Variants in VSTM5 observed in about 807,000 individuals in gnomAD.
VSTM5 encodes the protein V-set and transmembrane domain containing 5, also known as V-set and transmembrane domain-containing protein 5.
A neutral mutation model predicts 20.3 loss-of-function variants in VSTM5; 21 were observed. That is an observed-to-expected ratio of 1.03 (90% confidence interval 0.73 to 1.49). The LOEUF (loss-of-function observed/expected upper bound fraction) is 1.49. VSTM5 is among the 40% of genes most tolerant of loss of function. VSTM5 has a pLI of 0.00. For missense variants in VSTM5, 219 were observed against 250.0 expected, an observed-to-expected ratio of 0.88 and a Z score of 0.84; for synonymous variants, 100 against 102.5, an observed-to-expected ratio of 0.98 and a Z score of 0.14.
intron 1 of VSTM5, among the ~76,000 whole-genome samples, chr11:93,824,212 C>G (rs115625654): frequency 9.2e-4 from 140 of 152,154 alleles, no homozygotes; most frequent in African/African-American, 3.3e-3. Context: ...CCGGCTATTA[C>G]TTCTATTTTT....
chr11:93,833,801 T>C (rs1014687577), intron 1 of VSTM5, among the ~76,000 whole-genome samples: 2 of 152,120 alleles, frequency 1.3e-5, no homozygotes, highest in Non-Finnish European at 2.9e-5. Flanking sequence ...AGCATCATCC[T>C]GTGTCCCTCC....
chr11:93,844,841 G>T lies in VSTM5; in HGVS notation c.91+5571C>A, dbSNP rs374842642. On this transcript the variant is annotated intron_variant, in intron 1 of 3. Transcript: ENST00000409977. ...CAATCCTTCAGTGCAGGGCCCCGCT[G>T]CTACCCCAGCTCTTGGCAAGCTGTT... Among the ~76,000 whole-genome samples, 2 of 66,754 alleles carry T rather than the reference G, an allele frequency of 3.0e-5. 1 individual carries two copies. Among genetic ancestry groups the T allele is most frequent in the South Asian group, 1.3e-3 (2 of 1,530 alleles). The allele number at this position is 66,754 out of a possible 152,430, so 43.8% of individuals were successfully genotyped here. A position where few individuals can be genotyped will look rare whatever the true frequency, so the allele number is the denominator to read the frequency against.
rs79933737 is a variant in VSTM5 at position 93,826,931 on chromosome 11, G to A, written c.92-5608C>T. On this transcript the variant is annotated intron_variant, in intron 1 of 3. Transcript: ENST00000409977. Reference sequence around the variant, plus strand: ...TGATTTCTAGTTTCATATTACTGTGGTCAGGAAAGACATTTGATATAATTT... The same window carrying A: ...TGATTTCTAGTTTCATATTACTGTGATCAGGAAAGACATTTGATATAATTT... 4.7e-3 allele frequency among the ~76,000 whole-genome samples: 720 copies of A among 152,016 alleles called. 11 individuals carry two copies. Among genetic ancestry groups the A allele is most frequent in the African/African-American group, 0.016 (671 of 41,452 alleles).
Position 93,820,488 on chromosome 11 carries a change from T to C in VSTM5, c.*81A>G. Reference sequence around the variant, plus strand: ...CGGGCTGCAACAGGACCACACACAATGGGTATAATAGCTGTGCTTGCTCTT... The same window carrying C: ...CGGGCTGCAACAGGACCACACACAACGGGTATAATAGCTGTGCTTGCTCTT... On this transcript the variant is annotated 3_prime_UTR_variant, in exon 4 of 4. Transcript: ENST00000409977. The C allele has an allele frequency of 6.8e-7, 1 of 1,462,956 alleles. No homozygotes were observed. The highest frequency in any genetic ancestry group is 9.3e-7 in the Non-Finnish European group (1 of 1,070,648). The allele number at this position is 1,462,956 out of a possible 1,614,324, so 90.6% of individuals were successfully genotyped here.
Position 93,824,839 on chromosome 11 carries a change from TTG to T in VSTM5, c.92-3518_92-3517del, listed in dbSNP as rs144498565. On this transcript the variant is annotated intron_variant, in intron 1 of 3. Transcript: ENST00000409977. ...TGTTTAATCCATTTCAAGTTAATTT[TTG>T]TGAATGATGTAAGATAAGGGTTCAA... Among the ~76,000 whole-genome samples, 317 of 152,358 alleles carry T rather than the reference TTG, an allele frequency of 2.1e-3. 12 individuals carry two copies. In the East Asian group the frequency reaches 0.058, roughly 28 times the overall value.
intron 1 of VSTM5, among the ~76,000 whole-genome samples, chr11:93,831,455 T>C (rs750062457): frequency 1.3e-5 from 2 of 152,226 alleles, no homozygotes; most frequent in East Asian, 1.9e-4. Context: ...TCCTGTTTAG[T>C]GGTGAAGAAC....
chr11:93,845,791 T>G (rs1944407280), intron 1 of VSTM5, among the ~76,000 whole-genome samples: 1 of 152,162 alleles, frequency 6.6e-6, no homozygotes, highest in South Asian at 2.1e-4. Flanking sequence ...CCAGAGGTAT[T>G]GTGCACCTAT....
At chr11:93,829,905 A>T (rs114078964) in intron 1 of VSTM5, among the ~76,000 whole-genome samples, 2,381 of 152,228 alleles carry the variant, frequency 0.016, 57 homozygotes, top group African/African-American at 0.054. Flanking sequence ...AGTACTTTTC[A>T]CTGTCCTAGT....
chr11:93,845,949 C>A (rs1944407951), intron 1 of VSTM5, among the ~76,000 whole-genome samples: 1 of 152,360 alleles, frequency 6.6e-6, no homozygotes, highest in South Asian at 2.1e-4. Flanking sequence ...CTGGCAGAAG[C>A]AACACACATT....
At chr11:93,847,056 T>C (rs1314805439) in intron 1 of VSTM5, among the ~76,000 whole-genome samples, 3 of 152,190 alleles carry the variant, frequency 2.0e-5, no homozygotes, top group Non-Finnish European at 4.4e-5. Context: ...TGAGCCACCA[T>C]ACCTGGCCCC....
chr11:93,820,684 C>T, intron 3 of VSTM5, 59 bp downstream of exon 3: 1 of 1,551,504 alleles, frequency 6.4e-7, no homozygotes, highest in Non-Finnish European at 8.7e-7. Context: ...AACAAGATAA[C>T]ACATGCCACC....
At chr11:93,845,352 G>T (rs895046383) in intron 1 of VSTM5, among the ~76,000 whole-genome samples, 22 of 152,206 alleles carry the variant, frequency 1.4e-4, no homozygotes, top group African/African-American at 5.1e-4. Context: ...TCTGGGGTCA[G>T]CATGGCACGG....
intron 1 of VSTM5, among the ~76,000 whole-genome samples, chr11:93,840,381 G>A (rs1011796910): frequency 3.9e-5 from 6 of 152,114 alleles, no homozygotes; most frequent in Admixed American, 1.3e-4. Context: ...TGTTTCCAGC[G>A]TGCATCAAGA....
Position 93,839,972 on chromosome 11 carries a change from G to A in VSTM5, c.91+10440C>T, listed in dbSNP as rs146661754. Among the ~76,000 whole-genome samples, 242 of 152,232 alleles carry A rather than the reference G, an allele frequency of 1.6e-3. 1 individual carries two copies. Among genetic ancestry groups the A allele is most frequent in the African/African-American group, 5.4e-3 (225 of 41,540 alleles). On this transcript the variant is annotated intron_variant, in intron 1 of 3. Coordinates refer to ENST00000409977, the MANE Select transcript of VSTM5 (RefSeq NM_001144871.2). ...GGAGTGAGTGCCGTGTGAAGATGAA[G>A]GCAGAGATCAGAGGATGCATCTGCA...
intron 1 of VSTM5, among the ~76,000 whole-genome samples, chr11:93,826,563 A>G (rs1944240691): frequency 6.6e-6 from 1 of 151,672 alleles, no homozygotes; most frequent in African/African-American, 2.4e-5. Flanking sequence ...ACACCTGGCT[A>G]ATTTTTTTTG....
In VSTM5 at chr11:93,820,274, C is replaced by T. The variant is rs1156576994; in HGVS notation, c.*295G>A. ...GCAAGTGTCGTGAGCAAGCAGCCAA[C>T]GCCTGCACTCACCCATTGGTTATGT... On this transcript the variant is annotated 3_prime_UTR_variant, in exon 4 of 4. Transcript: ENST00000409977. 9 of 428,078 alleles carry T rather than the reference C, an allele frequency of 2.1e-5. No individual in the cohort carries two copies. The highest frequency in any genetic ancestry group is 1.2e-4 in the South Asian group (5 of 42,694). 26.5% of individuals were successfully genotyped at this position (428,078 alleles called of 1,614,324 possible).
chr11:93,820,233 C>T lies in VSTM5; in HGVS notation c.*336G>A. 1 of 306,278 alleles carries T rather than the reference C, an allele frequency of 3.3e-6. No homozygotes were observed. The highest frequency in any genetic ancestry group is 8.3e-5 in the East Asian group (1 of 11,986). 19.0% of individuals were successfully genotyped at this position (306,278 alleles called of 1,614,324 possible). ...TGATACAGGGACTCTGACAACAGGCCATCCTGCACACCAGAGCAAGTGTCG... is the reference window on the plus strand; with the variant it reads ...TGATACAGGGACTCTGACAACAGGCTATCCTGCACACCAGAGCAAGTGTCG... On this transcript the variant is annotated 3_prime_UTR_variant, in exon 4 of 4. Transcript: ENST00000409977.
chr11:93,850,243 C>T (rs1390896880), intron 1 of VSTM5, among the ~76,000 whole-genome samples, 169 bp downstream of exon 1: 1 of 152,086 alleles, frequency 6.6e-6, no homozygotes, highest in African/African-American at 2.4e-5. Flanking sequence ...AGGCCTCGCC[C>T]AGCCCCACGA....
At chr11:93,838,206 T>C (rs1266076541) in intron 1 of VSTM5, among the ~76,000 whole-genome samples, 1 of 152,184 alleles carries the variant, frequency 6.6e-6, no homozygotes, top group Non-Finnish European at 1.5e-5. Flanking sequence ...GCGTGGTGGC[T>C]CACGCCTGTA....
Sources: gnomAD v4.1 joint callset for allele counts (sites outside exome capture counted in the v4.1 genomes callset) on GRCh38, gnomAD v4.1.1 for gene constraint, MANE v1.5 for transcripts, NCBI Gene and HGNC (gene_info 2026-07-23, HGNC 2026-07-21) for gene names.